Variants in CARS1 observed in about 807,000 individuals in gnomAD.
CARS1 encodes the protein cysteinyl-tRNA synthetase 1.
A neutral mutation model predicts 106.2 loss-of-function variants in CARS1; 48 were observed. That is an observed-to-expected ratio of 0.45 (90% CI 0.36 to 0.57). CARS1 has a LOEUF of 0.57. Among genes scored for constraint, CARS1 ranks in the 20% least tolerant of loss-of-function variants. The pLI is 0.00. For synonymous variants in CARS1, 409 were observed against 403.4 expected (o/e 1.01, Z -0.17); for missense variants, 968 against 1,057.2 (o/e 0.92, Z 1.17).
chr11:3,012,031 G>A (rs1850515959), intron 18 of CARS1, among the ~76,000 whole-genome samples, 164 bp downstream of exon 18: 2 of 152,216 alleles, frequency 1.3e-5, no homozygotes, highest in African/African-American at 4.8e-5. Context: ...AATGCACCTG[G>A]TGGGTCCAGG....
In CARS1 at chr11:3,040,654, G is replaced by T; in HGVS notation, c.455+242C>A. 2 of 678,320 alleles carry T rather than the reference G, an allele frequency of 2.9e-6. No homozygotes were observed. The highest frequency in any genetic ancestry group is 5.4e-6 in the Non-Finnish European group (2 of 371,454). 42.0% of individuals were successfully genotyped at this position (678,320 alleles called of 1,614,324 possible). On this transcript the variant is annotated intron_variant, in intron 4 of 22. Coordinates refer to ENST00000380525, the MANE Select transcript of CARS1 (RefSeq NM_001014437.3). The surrounding 1 kb of genome is among the most constrained non-coding windows in gnomAD (Gnocchi z 5.8). The stretch of plus-strand genomic sequence containing the variant: ...GGTCGAGTCCAGCATGTTAGCAGTG[G>T]GGCTATGGACATTTTCTTTTTGGTG...
Position 3,012,114 on chromosome 11 carries a change from A to T in CARS1, c.2068+81T>A, listed in dbSNP as rs540276895. The T allele has an allele frequency of 3.3e-5, 42 of 1,269,502 alleles. 1 individual carries two copies. The South Asian group carries it at 4.9e-4, about 15-fold the overall frequency. The allele number at this position is 1,269,502 out of a possible 1,614,324, so 78.6% of individuals were successfully genotyped here. A position where few individuals can be genotyped will look rare whatever the true frequency, so the allele number is the denominator to read the frequency against. On this transcript the variant is annotated intron_variant, in intron 18 of 22. Transcript: ENST00000380525. ...GAGGATGATCCGGCCTGAACGCCAT[A>T]GTGCCTCGGGGGAGACGCCCGGTCC...
At chr11:3,018,795 G>A (rs1343851769) in intron 12 of CARS1, 46 bp from the exon 13 acceptor site, 4 of 1,590,890 alleles carry the variant, frequency 2.5e-6, no homozygotes, top group Non-Finnish European at 3.4e-6. Flanking sequence ...GTGTTACTGG[G>A]GCCGCCTCCT....
In CARS1 at chr11:3,041,105, AC is replaced by A; in HGVS notation, c.367-122del. The A allele has an allele frequency of 6.7e-7, 1 of 1,500,128 alleles. No individual in the cohort carries two copies. The highest frequency in any genetic ancestry group is 2.4e-5 in the East Asian group (1 of 42,210). 92.9% of individuals were successfully genotyped at this position (1,500,128 alleles called of 1,614,324 possible). On this transcript the variant is annotated intron_variant, in intron 3 of 22. Transcript: ENST00000380525. This position sits in a 1 kb window ranked among gnomAD's most constrained non-coding sequence, Gnocchi z 4.9. Reference sequence around the variant, plus strand: ...GTTTAGTGTAAACAATTCAACAGAGACCATTTTGTTTTACTGTGAAAAGTCA... The same window carrying A: ...GTTTAGTGTAAACAATTCAACAGAGACATTTTGTTTTACTGTGAAAAGTCA...
In CARS1 at chr11:3,053,609, A is replaced by G. The variant is rs1457431046; in HGVS notation, c.25+3734T>C. Reference sequence around the variant, plus strand: ...CTTGAGGCTCTCCCAGGTCCACTCCAGGCATGGCCCTGGTGTGCCTTCAGC... The same window carrying G: ...CTTGAGGCTCTCCCAGGTCCACTCCGGGCATGGCCCTGGTGTGCCTTCAGC... On this transcript the variant is annotated intron_variant, in intron 1 of 22. Transcript: ENST00000380525. The surrounding 1 kb of genome is among the most constrained non-coding windows in gnomAD (Gnocchi z 6.6). 6.6e-6 allele frequency among the ~76,000 whole-genome samples: 1 copy of G among 152,088 alleles called. No homozygotes were observed. Among genetic ancestry groups the G allele is most frequent in the Non-Finnish European group, 1.5e-5 (1 of 68,004 alleles).
At position 3,047,907 on chromosome 11, in the gene CARS1, C is replaced by T; in HGVS notation, c.120G>A (p.Gly40=). The T allele has an allele frequency of 1.9e-6, 3 of 1,614,134 alleles. No homozygotes were observed. Among genetic ancestry groups the T allele is most frequent in the African/African-American group, 1.3e-5 (1 of 75,036 alleles). ...CCACGTCTGCCTGGGACAGTGAGTA[C>T]CCCTGGACATAGCTACGCGTGCTGA... ...EHLSTRSYVQ[G]YSLSQADVDA... The change falls in exon 2 of 23, where the codon GGG becomes GGA. Residue 40 remains glycine (G), a synonymous_variant. Transcript: ENST00000380525.
intron 7 of CARS1, among the ~76,000 whole-genome samples, chr11:3,033,048 A>G (rs200039002): frequency 2.0e-5 from 3 of 151,598 alleles, no homozygotes; most frequent in Non-Finnish European, 2.9e-5. Flanking sequence ...CTCTAAAAAA[A>G]AACTTTTTTT....
At chr11:3,023,646 C>T (rs1290530289) in intron 10 of CARS1, among the ~76,000 whole-genome samples, 1 of 152,086 alleles carries the variant, frequency 6.6e-6, no homozygotes, top group African/African-American at 2.4e-5. Context: ...CCTCCTGCCT[C>T]GGCCTCCCAA....
rs1359132083 is a variant in CARS1, at chr11:3,022,452, T to C, written c.1154-2120A>G. On this transcript the variant is annotated intron_variant, in intron 10 of 22. Coordinates refer to ENST00000380525, the MANE Select transcript of CARS1 (RefSeq NM_001014437.3). This position sits in a 1 kb window ranked among gnomAD's most constrained non-coding sequence, Gnocchi z 4.9. ...AAATCTCAGGGAGGCGGATCTGAGG[T>C]TTCCTCCCATCTCCATTTGTCCACC... Among the ~76,000 whole-genome samples, 3 of 152,076 alleles carry C rather than the reference T, an allele frequency of 2.0e-5. No homozygotes were observed. The highest frequency in any genetic ancestry group is 7.2e-5 in the African/African-American group (3 of 41,406).
chr11:3,054,913 T>C (rs182841349), intron 1 of CARS1: 14 of 702,630 alleles, frequency 2.0e-5, no homozygotes, highest in Non-Finnish European at 2.6e-6. Flanking sequence ...CCCAAGTCTG[T>C]GCGGAAAGGC....
chr11:3,055,318 ATTT>A (rs370394660), intron 1 of CARS1, among the ~76,000 whole-genome samples: 1 of 150,636 alleles, frequency 6.6e-6, no homozygotes. Context: ...CGCCCGGCTA[ATTT>A]TTTTTTTATT....
intron 18 of CARS1, among the ~76,000 whole-genome samples, chr11:3,010,964 C>T (rs193015298): frequency 5.9e-4 from 90 of 152,342 alleles, no homozygotes; most frequent in African/African-American, 1.9e-3. Context: ...CTTCCCACCA[C>T]ACAGAGGCCC....
In CARS1 at chr11:3,039,084, A is replaced by T. The variant is rs1384736615; in HGVS notation, c.651+110T>A. The T allele has an allele frequency of 2.8e-6, 2 of 707,326 alleles. No homozygotes were observed. The highest frequency in any genetic ancestry group is 2.5e-4 in the Middle Eastern group (1 of 4,072). The allele number at this position is 707,326 out of a possible 1,614,324, so 43.8% of individuals were successfully genotyped here. A position where few individuals can be genotyped will look rare whatever the true frequency, so the allele number is the denominator to read the frequency against. ...GACGGAACTGGCTTGAGTAACATAC[A>T]CTTTGTGAAAGCCTGTGAGACTGAC... On this transcript the variant is annotated intron_variant, in intron 6 of 22. Coordinates refer to ENST00000380525, the MANE Select transcript of CARS1 (RefSeq NM_001014437.3). The surrounding 1 kb of genome is among the most constrained non-coding windows in gnomAD (Gnocchi z 5.6).
In CARS1 at chr11:3,019,297, C is replaced by G; in HGVS notation, c.1267-30G>C. 4 of 1,379,792 alleles carry G rather than the reference C, an allele frequency of 2.9e-6. No individual in the cohort carries two copies. Among genetic ancestry groups the G allele is most frequent in the Non-Finnish European group, 3.8e-6 (4 of 1,058,098 alleles). The allele number at this position is 1,379,792 out of a possible 1,614,324, so 85.5% of individuals were successfully genotyped here. ...AGAAAGCCGAACACACAGTGACTGA[C>G]CAGCCTACCCGCTTGTCCAGGCCTT... is the stretch of plus-strand genomic sequence containing the variant. On this transcript the variant is annotated intron_variant, in intron 11 of 22. Coordinates refer to ENST00000380525, the MANE Select transcript of CARS1 (RefSeq NM_001014437.3). The surrounding 1 kb of genome is among the most constrained non-coding windows in gnomAD (Gnocchi z 6.2).
rs142953731 is a variant in CARS1 at position 3,050,005 on chromosome 11, G to A, written c.26-2004C>T. On this transcript the variant is annotated intron_variant, in intron 1 of 22. Coordinates refer to ENST00000380525, the MANE Select transcript of CARS1 (RefSeq NM_001014437.3). This position sits in a 1 kb window ranked among gnomAD's most constrained non-coding sequence, Gnocchi z 6.3. ...CAGCAAAGATGAGTCAGAATGGAGT[G>A]CACAGCTGCAGCAGCAAGAATGCCC... 2.4e-3 allele frequency among the ~76,000 whole-genome samples: 361 copies of A among 152,336 alleles called. 1 individual carries two copies. Among genetic ancestry groups the A allele is most frequent in the Non-Finnish European group, 3.9e-3 (267 of 68,034 alleles).
At chr11:3,016,269 G>A (rs1321234170) in intron 16 of CARS1, among the ~76,000 whole-genome samples, 4 of 150,778 alleles carry the variant, frequency 2.7e-5, no homozygotes, top group Non-Finnish European at 5.9e-5. Context: ...CGCCCAGGCT[G>A]GAGTGCAATG....
At chr11:3,036,449 T>C (rs1279810221) in intron 7 of CARS1, among the ~76,000 whole-genome samples, 1 of 151,892 alleles carries the variant, frequency 6.6e-6, no homozygotes, top group Non-Finnish European at 1.5e-5. Context: ...TCCACATCAC[T>C]AGCCATTAAG....
At chr11:3,042,313 C>CTCCAGGTGAAGAGGCGACTT in intron 2 of CARS1, 57 bp from the exon 3 acceptor site, 1 of 1,306,728 alleles carries the variant, frequency 7.7e-7, no homozygotes, top group Non-Finnish European at 1.1e-6. Flanking sequence ...AAGTGCAAGT[C>CTCCAGGTGAAGAGGCGACTT]GCCTCTTCAC....
At position 3,030,069 on chromosome 11, in the gene CARS1, A is replaced by G. The variant is rs1446948550; in HGVS notation, c.802-626T>C. 6.6e-6 allele frequency: 1 copy of G among 152,332 alleles called. No individual in the cohort carries two copies. Among genetic ancestry groups the G allele is most frequent in the African/African-American group, 2.4e-5 (1 of 41,426 alleles). The allele number at this position is 152,332 out of a possible 1,614,324, so 9.4% of individuals were successfully genotyped here. Reference sequence around the variant, plus strand: ...GACACGCCCCAACTGCACTCATGTCAGAAAAGAGAAATGTCTACCCTCCGC... The same window carrying G: ...GACACGCCCCAACTGCACTCATGTCGGAAAAGAGAAATGTCTACCCTCCGC... On this transcript the variant is annotated intron_variant, in intron 7 of 22. Coordinates refer to ENST00000380525, the MANE Select transcript of CARS1 (RefSeq NM_001014437.3). The surrounding 1 kb of genome is among the most constrained non-coding windows in gnomAD (Gnocchi z 5.7).
Sources: allele counts gnomAD v4.1 joint callset (sites outside exome capture counted in the v4.1 genomes callset), GRCh38; gene constraint gnomAD v4.1.1; non-coding constraint Gnocchi (gnomAD v3.1); transcripts MANE v1.5; gene names NCBI Gene and HGNC (gene_info 2026-07-23, HGNC 2026-07-21).